Variants in ZNF423 observed in about 807,000 individuals in gnomAD.
ZNF423 encodes Ebf-associated zinc finger protein.
ZNF423 carries 12 observed loss-of-function variants against 95.8 expected under a neutral mutation model. The observed-to-expected ratio is 0.13, with a 90% confidence interval of 0.08 to 0.20. The LOEUF (loss-of-function observed/expected upper bound fraction) is 0.20, where lower values mean the gene tolerates loss of function less well. Among genes scored for constraint, ZNF423 ranks in the 10% least tolerant of loss-of-function variants. The pLI, the probability that ZNF423 is intolerant of heterozygous loss-of-function variation, is 1.00. For missense variants in ZNF423, 1,316 were observed against 1,737.1 expected, an observed-to-expected ratio of 0.76 and a Z score of 4.31; for synonymous variants, 749 against 711.9, an observed-to-expected ratio of 1.05 and a Z score of -0.83.
intron 3 of ZNF423, among the ~76,000 whole-genome samples, chr16:49,718,015 C>T (rs756680773): frequency 6.6e-6 from 1 of 152,146 alleles, no homozygotes; most frequent in Non-Finnish European, 1.5e-5. Flanking sequence ...CCAAAGTTAT[C>T]GAGGGGCCCA....
intron 3 of ZNF423, among the ~76,000 whole-genome samples, chr16:49,678,703 T>C (rs1385193706): frequency 6.6e-6 from 1 of 152,228 alleles, no homozygotes; most frequent in Non-Finnish European, 1.5e-5. Flanking sequence ...TAATTTGCAC[T>C]GACAGATGTT....
At chr16:49,707,651 T>A (rs2032399486) in intron 3 of ZNF423, among the ~76,000 whole-genome samples, 1 of 150,466 alleles carries the variant, frequency 6.6e-6, no homozygotes, top group South Asian at 2.1e-4. Flanking sequence ...CTTTCCCTAC[T>A]CATAATTCAA....
At chr16:49,655,928 G>A (rs1249118364) in intron 3 of ZNF423, among the ~76,000 whole-genome samples, 1 of 152,222 alleles carries the variant, frequency 6.6e-6, no homozygotes, top group Admixed American at 6.5e-5. Flanking sequence ...GTGGGTGCAC[G>A]AGGTAACTCC....
At chr16:49,743,856 C>T (rs2033466185) in intron 2 of ZNF423, among the ~76,000 whole-genome samples, 1 of 152,176 alleles carries the variant, frequency 6.6e-6, no homozygotes, top group African/African-American at 2.4e-5. Context: ...TGGAGACAGC[C>T]TGGTGCGCAG....
At chr16:49,823,742 C>CACACACAT (rs1567360698) in intron 1 of ZNF423, among the ~76,000 whole-genome samples, 1 of 152,116 alleles carries the variant, frequency 6.6e-6, no homozygotes, top group Non-Finnish European at 1.5e-5. Context: ...AAAATACACA[C>CACACACAT]ACACACATAC....
chr16:49,763,613 T>G (rs948767323), intron 2 of ZNF423, among the ~76,000 whole-genome samples: 4 of 151,980 alleles, frequency 2.6e-5, no homozygotes, highest in African/African-American at 9.7e-5. Context: ...CTTTGCCCAC[T>G]CCCCAGCGTC....
intron 7 of ZNF423, among the ~76,000 whole-genome samples, chr16:49,515,398 C>A (rs2151689926): frequency 6.6e-6 from 1 of 152,386 alleles, no homozygotes; most frequent in Admixed American, 6.5e-5. Flanking sequence ...TCATTTAAAT[C>A]TATTAGCTCA....
chr16:49,518,084 A>G, intron 7 of ZNF423: 1 of 447,056 alleles, frequency 2.2e-6, no homozygotes, highest in East Asian at 7.0e-5. Flanking sequence ...GATCACACTG[A>G]CAATGGAAAA....
chr16:49,798,663 T>C (rs1048174010), intron 1 of ZNF423, among the ~76,000 whole-genome samples: 1 of 152,182 alleles, frequency 6.6e-6, no homozygotes, highest in African/African-American at 2.4e-5. Context: ...GAAAAACCAT[T>C]GTTAAGAATT....
intron 5 of ZNF423, among the ~76,000 whole-genome samples, chr16:49,572,613 T>A (rs1970385025): frequency 6.6e-6 from 1 of 152,156 alleles, no homozygotes; most frequent in South Asian, 2.1e-4. Flanking sequence ...AGAAGTGGCA[T>A]GATCAAGTGT....
Position 49,533,913 on chromosome 16 carries a change from T to A in ZNF423, c.3602-8419A>T, listed in dbSNP as rs371924018. Among the ~76,000 whole-genome samples the A allele has an allele frequency of 4.6e-5, 7 of 152,268 alleles. No individual in the cohort carries two copies. In the East Asian group the frequency reaches 7.7e-4, roughly 17 times the overall value. On this transcript the variant is annotated intron_variant, in intron 5 of 7. Coordinates refer to ENST00000563137, the MANE Select transcript of ZNF423 (RefSeq NM_001379286.1). ...TGGCTTACACCTGTAATTCCAGGAC[T>A]TTGGGAGGCCGAAGCAGGAAGATTG...
At chr16:49,594,291 C>T (rs1423841711) in intron 5 of ZNF423, among the ~76,000 whole-genome samples, 1 of 152,148 alleles carries the variant, frequency 6.6e-6, no homozygotes. Flanking sequence ...TTCCCTGCCT[C>T]CTCTCTCCTC....
chr16:49,782,243 A>G (rs1217407828), intron 2 of ZNF423, among the ~76,000 whole-genome samples: 1 of 152,272 alleles, frequency 6.6e-6, no homozygotes, highest in Non-Finnish European at 1.5e-5. Flanking sequence ...CATGTCTGCC[A>G]TCTACAGTTG....
rs942212276 is a variant in ZNF423, at chr16:49,489,417, G to A, written c.*1858C>T. The A allele has an allele frequency of 7.2e-5, 11 of 152,224 alleles. No individual in the cohort carries two copies. Among genetic ancestry groups the A allele is most frequent in the African/African-American group, 2.7e-4 (11 of 41,454 alleles). 9.4% of individuals were successfully genotyped at this position (152,224 alleles called of 1,614,324 possible). On this transcript the variant is annotated 3_prime_UTR_variant, in exon 8 of 8. Coordinates refer to ENST00000563137, the MANE Select transcript of ZNF423 (RefSeq NM_001379286.1). ...TGGGGTCTTCCCCCAAAACTGCCAG[G>A]TCTCCAGGAGGCTGAAAATTGGCAT...
rs530883508 is a variant in ZNF423, at chr16:49,721,970, T to C, written c.301+8801A>G. 2.0e-5 allele frequency among the ~76,000 whole-genome samples: 3 copies of C among 152,172 alleles called. No individual in the cohort carries two copies. The South Asian group carries it at 6.2e-4, about 32-fold the overall frequency. ...CAGTGTGATAACAGCATTCGCTCTA[T>C]GTAATCAAGTCAAGGGAGGGATGCT... On this transcript the variant is annotated intron_variant, in intron 3 of 7. Transcript: ENST00000563137.
intron 1 of ZNF423, among the ~76,000 whole-genome samples, chr16:49,853,304 G>A (rs975750258): frequency 6.7e-6 from 1 of 148,160 alleles, no homozygotes; most frequent in Admixed American, 6.7e-5. Flanking sequence ...GGCGGGGCGG[G>A]GGGGGAGCAG....
chr16:49,839,215 G>T (rs931722705), intron 1 of ZNF423, among the ~76,000 whole-genome samples: 5 of 152,054 alleles, frequency 3.3e-5, no homozygotes, highest in African/African-American at 1.2e-4. Context: ...GACTCCAGGG[G>T]GACCGTGGAG....
chr16:49,623,654 G>T (rs1972160313), intron 5 of ZNF423, among the ~76,000 whole-genome samples: 1 of 152,206 alleles, frequency 6.6e-6, no homozygotes, highest in African/African-American at 2.4e-5. Flanking sequence ...TTCAGCAGGG[G>T]GCTTTCAGAC....
intron 5 of ZNF423, among the ~76,000 whole-genome samples, chr16:49,550,977 C>G (rs1294852817): frequency 6.6e-6 from 1 of 152,212 alleles, no homozygotes; most frequent in Non-Finnish European, 1.5e-5. Context: ...GCTGCTGGAC[C>G]GATGAAGAGA....
Sources: gnomAD v4.1 joint callset for allele counts (sites outside exome capture counted in the v4.1 genomes callset) on GRCh38, gnomAD v4.1.1 for gene constraint, MANE v1.5 for transcripts, NCBI Gene and HGNC (gene_info 2026-07-23, HGNC 2026-07-21) for gene names.